The following PHF24 variants were observed in gnomAD, a reference collection of about 807,000 sequenced individuals.
PHF24 encodes the protein Galpha inhibitory interacting protein.
A neutral mutation model predicts 42.6 loss-of-function variants in PHF24; 25 were observed. The observed-to-expected ratio is 0.59, with a 90% CI of 0.43 to 0.82. PHF24 has a LOEUF of 0.82. Among genes scored for constraint, PHF24 ranks in the 40% least tolerant of loss-of-function variants. The pLI is 0.00. For missense variants in PHF24, 470 were observed against 538.1 expected (o/e 0.87, Z 1.25); for synonymous variants, 185 against 204.8 (o/e 0.90, Z 0.83).
At chr9:34,934,976 G>A in the PHF24 span, among the ~76,000 whole-genome samples, 7 of 152,184 alleles carry the variant, frequency 4.6e-5, no homozygotes, top group East Asian at 7.7e-4. Context: ...GTAGTTTGCC[G>A]ACCCCTGAAA....
the PHF24 span, among the ~76,000 whole-genome samples, chr9:34,791,562 G>T: frequency 9.0e-5 from 13 of 144,292 alleles, no homozygotes; most frequent in African/African-American, 3.1e-4. Flanking sequence ...ATCAGATCTT[G>T]TAGGGTGTGA....
the PHF24 span, among the ~76,000 whole-genome samples, chr9:34,695,882 T>C: frequency 2.6e-5 from 4 of 152,124 alleles, no homozygotes; most frequent in Admixed American, 6.6e-5. Context: ...TACCAGGACA[T>C]AGATTCCCAA....
At chr9:34,671,743 C>T in the PHF24 span, among the ~76,000 whole-genome samples, 2 of 152,140 alleles carry the variant, frequency 1.3e-5, no homozygotes, top group African/African-American at 2.4e-5. Flanking sequence ...GAGTGCTATT[C>T]TGTTTCCCAT....
chr9:34,830,516 G>A, the PHF24 span, among the ~76,000 whole-genome samples: 1 of 152,192 alleles, frequency 6.6e-6, no homozygotes, highest in East Asian at 1.9e-4. Context: ...GAGAAGGAAG[G>A]ACAAGGTCCC....
chr9:34,810,125 G>C, the PHF24 span, among the ~76,000 whole-genome samples: 1 of 151,990 alleles, frequency 6.6e-6, no homozygotes, highest in African/African-American at 2.4e-5. Flanking sequence ...GCGCAGGGCC[G>C]GCAGTATAGA....
intron 1 of PHF24, among the ~76,000 whole-genome samples, chr9:34,969,145 C>G (rs1052762427): frequency 1.3e-5 from 2 of 152,242 alleles, no homozygotes; most frequent in African/African-American, 4.8e-5. Flanking sequence ...CAGGGCCTCA[C>G]AGGCCACAGT....
the PHF24 span, among the ~76,000 whole-genome samples, chr9:34,766,576 A>G: frequency 7.9e-5 from 12 of 151,930 alleles, no homozygotes; most frequent in Non-Finnish European, 1.6e-4. Flanking sequence ...ACTTCTCTGT[A>G]TTGGTTATTC....
the PHF24 span, among the ~76,000 whole-genome samples, chr9:34,811,826 A>T: frequency 6.6e-6 from 1 of 152,212 alleles, no homozygotes. Context: ...TTCTATGCAT[A>T]AAAGAATACC....
the PHF24 span, among the ~76,000 whole-genome samples, chr9:34,823,612 C>T: frequency 6.6e-6 from 1 of 152,030 alleles, no homozygotes; most frequent in Non-Finnish European, 1.5e-5. Flanking sequence ...CCTGCTTGGT[C>T]CTGTGGCTTA....
chr9:34,711,542 CTTTTT>C, the PHF24 span, among the ~76,000 whole-genome samples: 7 of 130,752 alleles, frequency 5.4e-5, no homozygotes, highest in Non-Finnish European at 6.6e-5. Context: ...AATGTTGTTA[CTTTTT>C]TTTTTTTTTT....
chr9:34,797,398 A>G, the PHF24 span, among the ~76,000 whole-genome samples: 93 of 152,270 alleles, frequency 6.1e-4, no homozygotes, highest in African/African-American at 2.0e-3. Context: ...GAAGAATTGG[A>G]TCACACCGGG....
intron 3 of PHF24, among the ~76,000 whole-genome samples, chr9:34,974,956 C>T (rs1191783119): frequency 1.3e-5 from 2 of 152,114 alleles, no homozygotes; most frequent in African/African-American, 2.4e-5. Flanking sequence ...TCTAATATCT[C>T]TCTTCCCTTC....
At chr9:34,893,226 G>A in the PHF24 span, 6 of 453,244 alleles carry the variant, frequency 1.3e-5, no homozygotes, top group African/African-American at 5.9e-5. Flanking sequence ...GGCCGGGGTT[G>A]GCATTGTCCT....
At chr9:34,709,419 C>G in the PHF24 span, 1 of 1,610,194 alleles carries the variant, frequency 6.2e-7, no homozygotes, top group South Asian at 1.1e-5. Flanking sequence ...GGTCTGTGAC[C>G]GCTCAGTCCT....
At chr9:34,830,679 GT>G in the PHF24 span, among the ~76,000 whole-genome samples, 3 of 152,168 alleles carry the variant, frequency 2.0e-5, no homozygotes, top group Non-Finnish European at 4.4e-5. Flanking sequence ...GACCGAAAAG[GT>G]AGCAGGAAAG....
the PHF24 span, among the ~76,000 whole-genome samples, chr9:34,816,583 G>T: frequency 2.0e-5 from 3 of 152,206 alleles, no homozygotes; most frequent in East Asian, 1.9e-4. Flanking sequence ...GTGCCTTCTC[G>T]CTGTGTCCTC....
chr9:34,709,425 G>A, the PHF24 span: 1 of 1,612,534 alleles, frequency 6.2e-7, no homozygotes, highest in Non-Finnish European at 8.5e-7. Flanking sequence ...TGACCGCTCA[G>A]TCCTGTGAGG....
chr9:34,815,100 C>T, the PHF24 span, among the ~76,000 whole-genome samples: 1 of 152,188 alleles, frequency 6.6e-6, no homozygotes, highest in African/African-American at 2.4e-5. Context: ...TTCTCAAGCA[C>T]TGCAGCTGCA....
intron 6 of PHF24, 83 bp downstream of exon 6, chr9:34,977,326 T>C: frequency 1.4e-6 from 2 of 1,472,946 alleles, no homozygotes. Context: ...ACCTCCCTGC[T>C]CCCCCTGCCA....
Sources: allele counts gnomAD v4.1 joint callset (sites outside exome capture counted in the v4.1 genomes callset), GRCh38; gene constraint gnomAD v4.1.1; transcripts MANE v1.5; gene names NCBI Gene and HGNC (gene_info 2026-07-23, HGNC 2026-07-21).